The following C12orf42 variants were observed in gnomAD, a reference collection of about 807,000 sequenced individuals.
C12orf42 encodes chromosome 12 open reading frame 42, also known as uncharacterized protein C12orf42.
C12orf42 carries 25 observed loss-of-function variants against 21.6 expected under a neutral mutation model. That is an observed-to-expected ratio of 1.16 (90% CI 0.84 to 1.62). C12orf42 has a LOEUF of 1.62. Ranked by LOEUF, C12orf42 falls within the 40% of genes most tolerant of loss-of-function variation. C12orf42 has a pLI of 0.00. For synonymous variants in C12orf42, 174 were observed against 175.0 expected (o/e 0.99, Z 0.05); for missense variants, 483 against 459.3 (o/e 1.05, Z -0.47).
intron 2 of C12orf42, among the ~76,000 whole-genome samples, chr12:103,462,096 GTTTTTTTTTTTTT>G (rs71097979): frequency 1.1e-4 from 3 of 27,724 alleles, no homozygotes; most frequent in African/African-American, 4.3e-4. Flanking sequence ...TTTTTGCTTG[GTTTTTTTTTTTTT>G]TTTTTTTTTT....
At chr12:103,268,694 C>G (rs2035292822) in exon 7 of C12orf42, 2 of 152,044 alleles carry the variant, frequency 1.3e-5, no homozygotes, top group Admixed American at 1.3e-4. Flanking sequence ...TTGATTGACT[C>G]CCCTCTAGAA....
At chr12:103,301,881 T>G, downstream of C12orf42, 1 of 525,098 alleles carries the variant, frequency 1.9e-6, no homozygotes, top group Non-Finnish European at 3.3e-6. Flanking sequence ...AAATTCTTTG[T>G]AACACTGGGA....
the C12orf42 span, among the ~76,000 whole-genome samples, chr12:103,545,519 A>T: frequency 2.0e-5 from 3 of 152,226 alleles, no homozygotes; most frequent in African/African-American, 4.8e-5. Context: ...AAGGGGAAAA[A>T]ACTATTTAAG....
the C12orf42 span, among the ~76,000 whole-genome samples, chr12:103,154,950 T>C: frequency 6.6e-6 from 1 of 152,182 alleles, no homozygotes; most frequent in Non-Finnish European, 1.5e-5. Context: ...CCTCATACCA[T>C]TACTACTTGA....
chr12:103,193,652 T>C, the C12orf42 span, among the ~76,000 whole-genome samples: 2 of 151,780 alleles, frequency 1.3e-5, no homozygotes, highest in Non-Finnish European at 2.9e-5. Flanking sequence ...CAAGAAGAAA[T>C]AGAAAGACTG....
chr12:103,345,393 T>G (rs1322451868), intron 4 of C12orf42, among the ~76,000 whole-genome samples: 1 of 152,178 alleles, frequency 6.6e-6, no homozygotes, highest in Non-Finnish European at 1.5e-5. Flanking sequence ...GCTCAGTAAA[T>G]GTTTTATCAC....
intron 4 of C12orf42, among the ~76,000 whole-genome samples, chr12:103,294,444 A>AGAGAGAAAGGAGAGAG (rs2037043131): frequency 1.0e-4 from 13 of 127,154 alleles, no homozygotes; most frequent in African/African-American, 4.2e-4. Flanking sequence ...GAAAGAAAGA[A>AGAGAGAAAGGAGAGAG]AGAAAGAAAG....
downstream of C12orf42, among the ~76,000 whole-genome samples, chr12:103,236,245 A>G (rs2033463027): frequency 6.6e-6 from 1 of 152,204 alleles, no homozygotes. Context: ...GTTAACACTG[A>G]GATGCTTAAG....
At chr12:103,336,840 A>T (rs2041742184) in intron 4 of C12orf42, among the ~76,000 whole-genome samples, 1 of 152,162 alleles carries the variant, frequency 6.6e-6, no homozygotes, top group Non-Finnish European at 1.5e-5. Context: ...ATGCATTAGA[A>T]ATGAGTTTCC....
chr12:103,150,875 C>A, the C12orf42 span, among the ~76,000 whole-genome samples: 12 of 152,278 alleles, frequency 7.9e-5, no homozygotes, highest in African/African-American at 1.4e-4. Flanking sequence ...CAAGAAAATT[C>A]TCATAGATTA....
intron 5 of C12orf42, among the ~76,000 whole-genome samples, chr12:103,303,744 G>A (rs1024521201): frequency 6.6e-6 from 1 of 152,082 alleles, no homozygotes; most frequent in South Asian, 2.1e-4. Context: ...AAATTTTTTT[G>A]TGAATCTGAA....
chr12:103,295,081 T>C (rs1017052505), intron 4 of C12orf42, among the ~76,000 whole-genome samples: 1 of 152,170 alleles, frequency 6.6e-6, no homozygotes, highest in African/African-American at 2.4e-5. Context: ...CCATCCATGT[T>C]CCTGCAAAGG....
the C12orf42 span, among the ~76,000 whole-genome samples, chr12:103,223,433 T>C: frequency 5.3e-5 from 8 of 152,194 alleles, no homozygotes; most frequent in East Asian, 1.4e-3. Context: ...GAAAAACAGG[T>C]ATAAAAGGTC....
At chr12:103,176,623 A>G in the C12orf42 span, among the ~76,000 whole-genome samples, 1,177 of 152,266 alleles carry the variant, frequency 7.7e-3, 15 homozygotes, top group African/African-American at 0.027. Context: ...ATTTTGCAAT[A>G]AGGAAACTGA....
At chr12:103,362,176 C>T (rs927376995) in intron 4 of C12orf42, among the ~76,000 whole-genome samples, 1 of 152,146 alleles carries the variant, frequency 6.6e-6, no homozygotes, top group African/African-American at 2.4e-5. Context: ...AGGTTCACAT[C>T]ACAGGACTCT....
At chr12:103,221,151 A>G in the C12orf42 span, among the ~76,000 whole-genome samples, 2 of 152,254 alleles carry the variant, frequency 1.3e-5, no homozygotes, top group African/African-American at 4.8e-5. Context: ...GCTGAGAGAA[A>G]GATACCACAC....
the C12orf42 span, among the ~76,000 whole-genome samples, chr12:103,175,356 A>G: frequency 6.6e-6 from 1 of 152,220 alleles, no homozygotes; most frequent in Non-Finnish European, 1.5e-5. Context: ...AAATCCATTC[A>G]CGGACAAACC....
At chr12:103,306,819 A>T (rs2038388553) in intron 4 of C12orf42, among the ~76,000 whole-genome samples, 1 of 152,188 alleles carries the variant, frequency 6.6e-6, no homozygotes, top group Non-Finnish European at 1.5e-5. Context: ...TTAAGATGAA[A>T]TCATTCTGGA....
rs555063607 is a variant in C12orf42, at chr12:103,293,263, A to T, written n.338-16053T>A. 5.9e-5 allele frequency among the ~76,000 whole-genome samples: 9 copies of T among 152,170 alleles called. No individual in the cohort carries two copies. In the East Asian group the frequency reaches 1.4e-3, roughly 23 times the overall value. Reference sequence around the variant, plus strand: ...ATTTCACTTTATAAGGTAAATCCCCATGTCTTTTGCCTTACTCAGAGATGG... The same window carrying T: ...ATTTCACTTTATAAGGTAAATCCCCTTGTCTTTTGCCTTACTCAGAGATGG... On this transcript the variant is annotated intron_variant and non_coding_transcript_variant, in intron 4 of 6. Transcript: ENST00000546526.
Sources: gnomAD v4.1 joint callset for allele counts (sites outside exome capture counted in the v4.1 genomes callset) on GRCh38, gnomAD v4.1.1 for gene constraint, MANE v1.5 for transcripts, NCBI Gene and HGNC (gene_info 2026-07-23, HGNC 2026-07-21) for gene names.